Variants in GPR37L1 observed in about 807,000 individuals in gnomAD.
The protein encoded by GPR37L1 is G protein-coupled receptor 37 like 1.
Under a neutral mutation model 18.0 loss-of-function variants are expected in GPR37L1, and 18 were observed. The ratio of observed to expected loss-of-function variants is 1.00; its 90% CI spans 0.69 to 1.49. GPR37L1 has a LOEUF of 1.49. Among genes scored for constraint, GPR37L1 ranks in the 40% most tolerant of loss-of-function variants. The pLI is 0.00. For missense variants in GPR37L1, 558 were observed against 615.1 expected, an observed-to-expected ratio of 0.91 and a Z score of 0.98; for synonymous variants, 256 against 273.9, an observed-to-expected ratio of 0.93 and a Z score of 0.65.
In GPR37L1 at chr1:202,129,005, C is replaced by CT. The variant is rs35555096; in HGVS notation, c.*470dup. 861 of 100,008 alleles carry CT rather than the reference C, an allele frequency of 8.6e-3. 4 individuals carry two copies. Among genetic ancestry groups the CT allele is most frequent in the South Asian group, 0.018 (54 of 3,018 alleles). The allele number at this position is 100,008 out of a possible 1,614,324, so 6.2% of individuals were successfully genotyped here. A position where few individuals can be genotyped will look rare whatever the true frequency, so the allele number is the denominator to read the frequency against. On this transcript the variant is annotated 3_prime_UTR_variant, in exon 2 of 2. Transcript: ENST00000367282. ...GCCCAGTGTGGCTCACCACACTCTTCTTTTTTTTTTTTTTTTTTTTTGAGA... is the reference window on the plus strand; with the variant it reads ...GCCCAGTGTGGCTCACCACACTCTTCTTTTTTTTTTTTTTTTTTTTTTGAGA...
chr1:202,123,350 T>C lies in GPR37L1; in HGVS notation c.387T>C (p.Ser129=). The C allele has an allele frequency of 1.2e-6, 2 of 1,614,082 alleles. No individual in the cohort carries two copies. Among genetic ancestry groups the C allele is most frequent in the Non-Finnish European group, 1.7e-6 (2 of 1,180,004 alleles). ...ATCCGGTGACCGAGAGCTCCTACAGTGCCTATGCCATCATGCTTCTGGCGC... is the reference window on the plus strand; with the variant it reads ...ATCCGGTGACCGAGAGCTCCTACAGCGCCTATGCCATCATGCTTCTGGCGC... The part of the protein sequence containing the change: ...PLYPVTESSY[S]AYAIMLLALV... The change falls in exon 1 of 2, where the codon AGT becomes AGC. Residue 129 remains serine, a synonymous_variant. Coordinates refer to ENST00000367282, the MANE Select transcript of GPR37L1 (RefSeq NM_004767.5).
In GPR37L1 at chr1:202,131,872, G is replaced by GACT. The variant is rs113603195; in HGVS notation, c.*3319_*3321dup. On this transcript the variant is annotated 3_prime_UTR_variant, in exon 2 of 2. Transcript: ENST00000367282. Reference sequence around the variant, plus strand: ...CTGCCTCAGCTTCCTGAGTAGCTGGGACTACAGGTGCGCACTACCACGCCT... The same window carrying GACT: ...CTGCCTCAGCTTCCTGAGTAGCTGGGACTACTACAGGTGCGCACTACCACGCCT... 4,786 of 151,916 alleles carry GACT rather than the reference G, an allele frequency of 0.032. 205 individuals are homozygous for GACT. The highest frequency in any genetic ancestry group is 0.091 in the South Asian group (436 of 4,806). 9.4% of individuals were successfully genotyped at this position (151,916 alleles called of 1,614,324 possible). A position where few individuals can be genotyped will look rare whatever the true frequency, so the allele number is the denominator to read the frequency against.
Position 202,133,292 on chromosome 1 carries a change from C to T in GPR37L1, c.*4736C>T, listed in dbSNP as rs1242635180. Reference sequence around the variant, plus strand: ...TGTGCTCCCCGGGCGGGCATGTGCTCGCGCTCCGTGGCTCTGTTGGTGCCC... The same window carrying T: ...TGTGCTCCCCGGGCGGGCATGTGCTTGCGCTCCGTGGCTCTGTTGGTGCCC... On this transcript the variant is annotated 3_prime_UTR_variant, in exon 2 of 2. Coordinates refer to ENST00000367282, the MANE Select transcript of GPR37L1 (RefSeq NM_004767.5). 2 of 152,270 alleles carry T rather than the reference C, an allele frequency of 1.3e-5. No homozygotes were observed. Among genetic ancestry groups the T allele is most frequent in the Admixed American group, 6.5e-5 (1 of 15,290 alleles). The allele number at this position is 152,270 out of a possible 1,614,324, so 9.4% of individuals were successfully genotyped here. A position where few individuals can be genotyped will look rare whatever the true frequency, so the allele number is the denominator to read the frequency against.
chr1:202,123,166 C>T lies in GPR37L1; in HGVS notation c.203C>T (p.Pro68Leu), dbSNP rs1230960248. The T allele has an allele frequency of 2.5e-6, 4 of 1,613,288 alleles. No individual in the cohort carries two copies. The highest frequency in any genetic ancestry group is 1.7e-5 in the Admixed American group (1 of 59,978). ...QYVPEEWAEY[P>L]RPIHPAGLQP... ...GTGCCTGAGGAGTGGGCGGAGTACC[C>T]CCGGCCCATTCACCCTGCTGGCCTG... The change falls in exon 1 of 2, where the codon CCC (proline) becomes CTC (leucine). Residue 68 changes from proline to leucine, a missense_variant. Transcript: ENST00000367282.
At position 202,123,598 on chromosome 1, in the gene GPR37L1, G is replaced by T; in HGVS notation, c.630+5G>T. On this transcript the variant is annotated splice_donor_5th_base_variant and intron_variant, in intron 1 of 1. Coordinates refer to ENST00000367282, the MANE Select transcript of GPR37L1 (RefSeq NM_004767.5). ...CGTGCCGTGCCCTTCATGGAGGTGA[G>T]TGTGTGTTCTGTTTGAGCTCTGCTG... 1 of 1,566,930 alleles carries T rather than the reference G, an allele frequency of 6.4e-7. No homozygotes were observed. The highest frequency in any genetic ancestry group is 1.4e-5 in the African/African-American group (1 of 73,700).
At position 202,128,669 on chromosome 1, in the gene GPR37L1, G is replaced by C; in HGVS notation, c.*113G>C. 2 of 681,574 alleles carry C rather than the reference G, an allele frequency of 2.9e-6. No homozygotes were observed. Among genetic ancestry groups the C allele is most frequent in the South Asian group, 3.9e-5 (2 of 50,912 alleles). 42.2% of individuals were successfully genotyped at this position (681,574 alleles called of 1,614,324 possible). A position where few individuals can be genotyped will look rare whatever the true frequency, so the allele number is the denominator to read the frequency against. ...TGTCTTGCTGTCTAGGGATGGACTT[G>C]GTTCCTCTTGTCAAGGTTTGGGAAT... On this transcript the variant is annotated 3_prime_UTR_variant, in exon 2 of 2. Transcript: ENST00000367282.
rs1046357308 is a variant in GPR37L1, at chr1:202,130,144, G to C, written c.*1588G>C. ...TCCAGAGGGCACCCTTAGCCTTGTAGGTCCCTGGGAAGCTGGCACAGCATC... is the reference window on the plus strand; with the variant it reads ...TCCAGAGGGCACCCTTAGCCTTGTACGTCCCTGGGAAGCTGGCACAGCATC... On this transcript the variant is annotated 3_prime_UTR_variant, in exon 2 of 2. Transcript: ENST00000367282. 2.6e-5 allele frequency: 4 copies of C among 152,280 alleles called. No individual in the cohort carries two copies. Among genetic ancestry groups the C allele is most frequent in the Non-Finnish European group, 5.9e-5 (4 of 68,100 alleles). 9.4% of individuals were successfully genotyped at this position (152,280 alleles called of 1,614,324 possible).
chr1:202,128,335 G>C lies in GPR37L1; in HGVS notation c.1225G>C (p.Gly409Arg). 1.9e-6 allele frequency: 3 copies of C among 1,614,180 alleles called. No homozygotes were observed. The highest frequency in any genetic ancestry group is 2.5e-6 in the Non-Finnish European group (3 of 1,180,026). The change falls in exon 2 of 2, where the codon GGC (glycine) becomes CGC (arginine). Residue 409 changes from glycine (G) to arginine (R), a missense_variant. Coordinates refer to ENST00000367282, the MANE Select transcript of GPR37L1 (RefSeq NM_004767.5). ...CAACCAGTTCTCCACCTTCTTCAAG[G>C]GCGCCATCACCCCAGTGCTGCTCCT... ...LINQFSTFFK[G>R]AITPVLLLCI...
At chr1:202,123,807 C>G (rs183348633) in intron 1 of GPR37L1, among the ~76,000 whole-genome samples, 1 of 152,076 alleles carries the variant, frequency 6.6e-6, no homozygotes, top group African/African-American at 2.4e-5. Flanking sequence ...GGGGGACAGG[C>G]GGGTGTGTGG....
chr1:202,127,926 GGCACAGGAGCCT>G lies in GPR37L1; in HGVS notation c.819_830del (p.Gln274_Ala277del). 6.2e-7 allele frequency: 1 copy of G among 1,613,870 alleles called. No individual in the cohort carries two copies. The highest frequency in any genetic ancestry group is 1.3e-5 in the African/African-American group (1 of 75,044). On this transcript the variant is annotated inframe_deletion, in exon 2 of 2. Transcript: ENST00000367282. ...TGCCTGAGCTCCTGCTGTGGCAGCT[GGCACAGGAGCCT>G]GCCCCCACCATGGGCACCCTGGACT...
chr1:202,133,324 C>CG lies in GPR37L1; in HGVS notation c.*4773dup, dbSNP rs1387958481. ...CGTGGCTCTGTTGGTGCCCAGCGTG[C>CG]GGGGGTGTGCTGGTGGCCCTGTGGG... On this transcript the variant is annotated 3_prime_UTR_variant, in exon 2 of 2. Coordinates refer to ENST00000367282, the MANE Select transcript of GPR37L1 (RefSeq NM_004767.5). 1 of 152,196 alleles carries CG rather than the reference C, an allele frequency of 6.6e-6. No homozygotes were observed. The highest frequency in any genetic ancestry group is 2.4e-5 in the African/African-American group (1 of 41,440). The allele number at this position is 152,196 out of a possible 1,614,324, so 9.4% of individuals were successfully genotyped here. A position where few individuals can be genotyped will look rare whatever the true frequency, so the allele number is the denominator to read the frequency against.
At chr1:202,124,971 G>T (rs1303041853) in intron 1 of GPR37L1, among the ~76,000 whole-genome samples, 1 of 152,076 alleles carries the variant, frequency 6.6e-6, no homozygotes, top group African/African-American at 2.4e-5. Context: ...TTCGAGACCA[G>T]CCTGGCCAAC....
chr1:202,126,540 G>A (rs991936758), intron 1 of GPR37L1, among the ~76,000 whole-genome samples: 16 of 152,206 alleles, frequency 1.1e-4, no homozygotes, highest in African/African-American at 3.6e-4. Context: ...TAAAAGCTGG[G>A]GATTGTGTTC....
intron 1 of GPR37L1, among the ~76,000 whole-genome samples, chr1:202,125,295 T>G (rs555564287): frequency 2.0e-5 from 3 of 152,116 alleles, no homozygotes; most frequent in Admixed American, 2.0e-4. Context: ...GATTAGAAAC[T>G]GGGCTTTTCC....
At chr1:202,123,898 C>G (rs1161062720) in intron 1 of GPR37L1, among the ~76,000 whole-genome samples, 1 of 152,166 alleles carries the variant, frequency 6.6e-6, no homozygotes, top group Non-Finnish European at 1.5e-5. Context: ...TCTCCAGACC[C>G]TAAGCTGCCC....
Position 202,123,542 on chromosome 1 carries a change from C to A in GPR37L1, c.579C>A (p.Thr193=). 1 of 1,610,018 alleles carries A rather than the reference C, an allele frequency of 6.2e-7. No homozygotes were observed. Among genetic ancestry groups the A allele is most frequent in the Non-Finnish European group, 8.5e-7 (1 of 1,177,958 alleles). Residue 193 remains threonine, a synonymous_variant, in exon 1 of 2, where the codon ACC becomes ACA. Coordinates refer to ENST00000367282, the MANE Select transcript of GPR37L1 (RefSeq NM_004767.5). The part of the protein sequence containing the change: ...CLPIVIFNEI[T]KQRLLGDVSC... The stretch of plus-strand genomic sequence containing the variant: ...CTATTGTCATCTTCAACGAGATCAC[C>A]AAGCAGAGGCTACTGGGTGACGTTT...
In GPR37L1 at chr1:202,127,746, C is replaced by T. The variant is rs774425866; in HGVS notation, c.636C>T (p.Ser212=). 12 of 1,561,232 alleles carry T rather than the reference C, an allele frequency of 7.7e-6. No individual in the cohort carries two copies. In the South Asian group the frequency reaches 9.7e-5, roughly 13 times the overall value. The part of the protein sequence containing the change: ...SCRAVPFMEV[S]SLGVTTFSLC... The stretch of plus-strand genomic sequence containing the variant: ...CCCTCACATCCTGCCCACAGGTCTC[C>T]TCTCTGGGAGTCACGACTTTCAGCC... The change falls in exon 2 of 2, where the codon TCC becomes TCT. Residue 212 remains serine, a synonymous_variant. Transcript: ENST00000367282.
rs1230316659 is a variant in GPR37L1 at position 202,123,317 on chromosome 1, C to A, written c.354C>A (p.Asn118Lys). Residue 118 changes from asparagine (N) to lysine (K), a missense_variant, in exon 1 of 2, where the codon AAC becomes AAA. By Grantham distance (94) the Asn-to-Lys change is moderately conservative (BLOSUM62 0). Transcript: ENST00000367282. ...CAGGGCAGAGGCTACAGATCCAGAA[C>A]CCCCTGTATCCGGTGACCGAGAGCT... ...GAPGQRLQIQ[N>K]PLYPVTESSY... The A allele has an allele frequency of 1.2e-6, 2 of 1,613,538 alleles. No homozygotes were observed. Among genetic ancestry groups the A allele is most frequent in the Admixed American group, 1.7e-5 (1 of 59,984 alleles).
intron 1 of GPR37L1, among the ~76,000 whole-genome samples, chr1:202,124,024 G>A (rs75874940): frequency 0.024 from 3,584 of 152,030 alleles, 67 homozygotes; most frequent in African/African-American, 0.049. Flanking sequence ...AGCTTCCTTC[G>A]CTGCTCCTCC....
Sources: allele counts gnomAD v4.1 joint callset (sites outside exome capture counted in the v4.1 genomes callset), GRCh38; gene constraint gnomAD v4.1.1; transcripts MANE v1.5; gene names NCBI Gene and HGNC (gene_info 2026-07-23, HGNC 2026-07-21).